Variants in HUS1 observed in about 807,000 individuals in gnomAD.
HUS1 encodes HUS1 checkpoint clamp component.
In HUS1, 31 loss-of-function variants were observed where a neutral mutation model predicts 32.6. That is an observed-to-expected ratio of 0.95 (90% confidence interval 0.72 to 1.28). HUS1 has a LOEUF of 1.28. Among genes scored for constraint, HUS1 ranks in the 50% most tolerant of loss-of-function variants. HUS1 has a pLI of 0.00. For missense variants in HUS1, 340 were observed against 337.7 expected, an observed-to-expected ratio of 1.01 and a Z score of -0.05; for synonymous variants, 123 against 116.6, an observed-to-expected ratio of 1.06 and a Z score of -0.36.
intron 5 of HUS1, among the ~76,000 whole-genome samples, chr7:47,972,043 T>C (rs1431360811): frequency 6.6e-6 from 1 of 152,194 alleles, no homozygotes; most frequent in East Asian, 1.9e-4. Context: ...CCCTTTTCTT[T>C]CATTAATCCA....
intron 7 of HUS1, among the ~76,000 whole-genome samples, 191 bp from the exon 8 acceptor site, chr7:47,965,629 C>T (rs1266328937): frequency 2.6e-5 from 4 of 152,212 alleles, no homozygotes; most frequent in Non-Finnish European, 4.4e-5. Context: ...CCAGCACTGG[C>T]GGCTCCCTGT....
chr7:47,967,443 C>G (rs1788501411), intron 7 of HUS1, among the ~76,000 whole-genome samples: 1 of 151,940 alleles, frequency 6.6e-6, no homozygotes, highest in South Asian at 2.1e-4. Context: ...GTCTGGCACT[C>G]TGAGCAGGTC....
intron 3 of HUS1, among the ~76,000 whole-genome samples, chr7:47,977,541 C>T (rs906403395): frequency 6.6e-6 from 1 of 151,556 alleles, no homozygotes. Context: ...TATACTGTGA[C>T]ATGAAATGCC....
rs1487877016 is a variant in HUS1, at chr7:47,964,202, G to C, written c.*1154C>G. ...AAGACCAGCCTGGACAACACAGTGA[G>C]ACCCTGTCTCTATGAAAAATTGAAA... On this transcript the variant is annotated 3_prime_UTR_variant, in exon 8 of 8. Coordinates refer to ENST00000258774, the MANE Select transcript of HUS1 (RefSeq NM_004507.4). 6.6e-6 allele frequency: 1 copy of C among 152,202 alleles called. No individual in the cohort carries two copies. The highest frequency in any genetic ancestry group is 1.5e-5 in the Non-Finnish European group (1 of 68,074). 9.4% of individuals were successfully genotyped at this position (152,202 alleles called of 1,614,324 possible). A position where few individuals can be genotyped will look rare whatever the true frequency, so the allele number is the denominator to read the frequency against.
intron 1 of HUS1, 139 bp from the exon 2 acceptor site, chr7:47,978,955 A>C (rs1788768243): frequency 2.5e-6 from 2 of 787,058 alleles, no homozygotes; most frequent in East Asian, 5.1e-5. Context: ...ACTGGAAAGT[A>C]CTTTAATACC....
At chr7:47,966,014 C>T (rs1788470596) in intron 7 of HUS1, among the ~76,000 whole-genome samples, 1 of 151,398 alleles carries the variant, frequency 6.6e-6, no homozygotes, top group Admixed American at 6.6e-5. Context: ...TGCAGCACAG[C>T]AGCCGAGGAA....
At chr7:47,971,619 C>A (rs1788602676) in intron 5 of HUS1, 1 of 452,658 alleles carries the variant, frequency 2.2e-6, no homozygotes, top group Non-Finnish European at 4.4e-6. Flanking sequence ...GAACCAGTAC[C>A]TGTTATTTCT....
At chr7:47,979,369 C>G in intron 1 of HUS1, 99 bp downstream of exon 1, 4 of 1,448,878 alleles carry the variant, frequency 2.8e-6, no homozygotes, top group African/African-American at 1.4e-5. Flanking sequence ...CGGCCCCTTC[C>G]GGCGCCCATC....
chr7:47,967,733 T>A, intron 7 of HUS1, 73 bp downstream of exon 7: 1 of 1,272,480 alleles, frequency 7.9e-7, no homozygotes, highest in Admixed American at 2.3e-5. Context: ...ATATGCAATC[T>A]GTTAGACTAG....
chr7:47,966,558 ACT>A (rs1788483498), intron 7 of HUS1, among the ~76,000 whole-genome samples: 1 of 151,900 alleles, frequency 6.6e-6, no homozygotes, highest in Non-Finnish European at 1.5e-5. Flanking sequence ...GGGGTATTTC[ACT>A]CTCTCACCAT....
intron 5 of HUS1, among the ~76,000 whole-genome samples, chr7:47,973,991 G>A (rs1788648656): frequency 6.6e-6 from 1 of 152,146 alleles, no homozygotes; most frequent in Non-Finnish European, 1.5e-5. Context: ...TGACACCAAC[G>A]TCAGCACAGT....
chr7:47,977,639 C>G (rs865805863), intron 3 of HUS1, among the ~76,000 whole-genome samples: 1 of 152,310 alleles, frequency 6.6e-6, no homozygotes, highest in East Asian at 1.9e-4. Context: ...TGCCTACAAT[C>G]GCAGCACTTT....
chr7:47,975,597 A>G lies in HUS1; in HGVS notation c.540+16T>C. 1 of 1,555,554 alleles carries G rather than the reference A, an allele frequency of 6.4e-7. No homozygotes were observed. Among genetic ancestry groups the G allele is most frequent in the Non-Finnish European group, 8.9e-7 (1 of 1,127,348 alleles). ...CAAATACTTCAGAGTTCTTTTCTAAAGAAGTTGTGACTTACAAGGTGATTG... is the reference window on the plus strand; with the variant it reads ...CAAATACTTCAGAGTTCTTTTCTAAGGAAGTTGTGACTTACAAGGTGATTG... On this transcript the variant is annotated intron_variant, in intron 5 of 7. Transcript: ENST00000258774.
At chr7:47,969,084 T>G in intron 6 of HUS1, 135 bp downstream of exon 6, 1 of 595,158 alleles carries the variant, frequency 1.7e-6, no homozygotes, top group Non-Finnish European at 3.0e-6. Context: ...CCAGTCTCAA[T>G]TCCTTTGTTC....
At chr7:47,972,335 CTT>C (rs1482470310) in intron 5 of HUS1, among the ~76,000 whole-genome samples, 2 of 152,174 alleles carry the variant, frequency 1.3e-5, no homozygotes, top group Non-Finnish European at 2.9e-5. Context: ...TAAATGTTCT[CTT>C]GTGTTTTCTT....
intron 4 of HUS1, among the ~76,000 whole-genome samples, chr7:47,975,926 C>T (rs1027046684): frequency 6.6e-6 from 1 of 152,234 alleles, no homozygotes; most frequent in Admixed American, 6.5e-5. Context: ...GTTACCTCAG[C>T]AACCATGTCC....
At chr7:47,978,046 G>A (rs150144717) in intron 3 of HUS1, among the ~76,000 whole-genome samples, 8 of 152,262 alleles carry the variant, frequency 5.3e-5, no homozygotes, top group Non-Finnish European at 1.0e-4. Flanking sequence ...ACTGAAGAAC[G>A]AGGGGCCATT....
At position 47,977,827 on chromosome 7, in the gene HUS1, G is replaced by C. The variant is rs574074775; in HGVS notation, c.357+590C>G. The stretch of plus-strand genomic sequence containing the variant: ...GAGAATCGCTTGAACCCGGGAGATG[G>C]AGGTTGCAGTGAGCCGAGATCGCGC... On this transcript the variant is annotated intron_variant, in intron 3 of 7. Transcript: ENST00000258774. Among the ~76,000 whole-genome samples the C allele has an allele frequency of 2.6e-5, 4 of 152,302 alleles. No homozygotes were observed. The East Asian group carries it at 7.7e-4, about 29-fold the overall frequency.
intron 5 of HUS1, among the ~76,000 whole-genome samples, chr7:47,972,670 AG>A (rs1477191357): frequency 8.3e-6 from 1 of 121,208 alleles, no homozygotes; most frequent in Non-Finnish European, 1.9e-5. Flanking sequence ...AAACTGACGA[AG>A]CCCCTGTCAT....
Sources: gnomAD v4.1 joint callset for allele counts (sites outside exome capture counted in the v4.1 genomes callset) on GRCh38, gnomAD v4.1.1 for gene constraint, MANE v1.5 for transcripts, NCBI Gene and HGNC (gene_info 2026-07-23, HGNC 2026-07-21) for gene names.